The following PCDH7 variants were observed in gnomAD, a reference collection of about 807,000 sequenced individuals.
PCDH7 encodes protocadherin-7.
In PCDH7, 17 loss-of-function variants were observed where a neutral mutation model predicts 58.9. That is an observed-to-expected ratio of 0.29 (90% CI 0.20 to 0.43). The LOEUF (loss-of-function observed/expected upper bound fraction) is 0.43. Ranked by LOEUF, PCDH7 falls within the 20% of genes least tolerant of loss-of-function variation. The pLI, the probability that PCDH7 is intolerant of heterozygous loss-of-function variation, is 1.00. For missense variants in PCDH7, 1,274 were observed against 1,441.0 expected, an observed-to-expected ratio of 0.88 and a Z score of 1.88; for synonymous variants, 664 against 616.4, an observed-to-expected ratio of 1.08 and a Z score of -1.14.
intron 3 of PCDH7, among the ~76,000 whole-genome samples, chr4:31,077,209 G>C (rs767944130): frequency 6.6e-6 from 1 of 151,986 alleles, no homozygotes; most frequent in Non-Finnish European, 1.5e-5. Context: ...TCAGGAGTTT[G>C]AGACCAGCCT....
chr4:30,757,708 A>T (rs1013281553), intron 1 of PCDH7, among the ~76,000 whole-genome samples: 1 of 152,110 alleles, frequency 6.6e-6, no homozygotes, highest in Non-Finnish European at 1.5e-5. Flanking sequence ...TTCGACATAC[A>T]CTAATCACTT....
chr4:31,113,522 A>G lies in PCDH7; in HGVS notation c.*8-28951A>G, dbSNP rs147066521. Among the ~76,000 whole-genome samples, 22 of 152,282 alleles carry G rather than the reference A, an allele frequency of 1.4e-4. No homozygotes were observed. The East Asian group carries it at 1.5e-3, about 11-fold the overall frequency. On this transcript the variant is annotated intron_variant, in intron 3 of 3. Coordinates refer to the PCDH7 transcript ENST00000509759. ...TATATTATCATTTTTAATTTCTGTG[A>G]CATAGAGAAGCTAAAACTGAGGTAT...
Position 30,913,172 on chromosome 4 carries a change from A to G in PCDH7, c.71-6981A>G, listed in dbSNP as rs760686091. ...TATTCTGAAAGCAGAATACATTAAT[A>G]ATATAATATTGATAACATTAATAGT... On this transcript the variant is annotated intron_variant, in intron 1 of 3. Transcript: ENST00000509759. 2.8e-4 allele frequency among the ~76,000 whole-genome samples: 43 copies of G among 151,906 alleles called. 1 individual carries two copies. Among genetic ancestry groups the G allele is most frequent in the Non-Finnish European group, 4.9e-4 (33 of 67,920 alleles).
chr4:31,064,119 T>C (rs1757901534), intron 3 of PCDH7, among the ~76,000 whole-genome samples: 1 of 151,974 alleles, frequency 6.6e-6, no homozygotes, highest in South Asian at 2.1e-4. Flanking sequence ...TCAGCACTGT[T>C]TTCAAAACAG....
At chr4:31,022,015 T>C (rs893530560) in intron 3 of PCDH7, among the ~76,000 whole-genome samples, 3 of 152,242 alleles carry the variant, frequency 2.0e-5, no homozygotes, top group African/African-American at 7.2e-5. Context: ...TTTTGCTTAA[T>C]GGATGTTCTA....
At chr4:30,736,726 CG>C (rs991662617), downstream of PCDH7, among the ~76,000 whole-genome samples, 1 of 151,604 alleles carries the variant, frequency 6.6e-6, no homozygotes, top group African/African-American at 2.4e-5. Flanking sequence ...TTAGTAGAGA[CG>C]GGGTATCACC....
chr4:30,857,969 T>C (rs1733702188), intron 1 of PCDH7, among the ~76,000 whole-genome samples: 1 of 152,126 alleles, frequency 6.6e-6, no homozygotes, highest in African/African-American at 2.4e-5. Context: ...AAATTTAAGA[T>C]AACACAGAAT....
At chr4:30,793,798 A>T (rs1173687883) in intron 1 of PCDH7, 2 of 152,214 alleles carry the variant, frequency 1.3e-5, no homozygotes, top group African/African-American at 4.8e-5. Context: ...CAAAGGATTC[A>T]CTTGGATAAA....
chr4:31,027,952 G>A lies in PCDH7; in HGVS notation c.*7+77737G>A, dbSNP rs546663293. Among the ~76,000 whole-genome samples the A allele has an allele frequency of 2.6e-5, 4 of 152,192 alleles. No individual in the cohort carries two copies. The South Asian group carries it at 6.2e-4, about 24-fold the overall frequency. On this transcript the variant is annotated intron_variant, in intron 3 of 3. Coordinates refer to the PCDH7 transcript ENST00000509759. ...AACTGTAGAAATGCTTCAGTTTCCT[G>A]TGGAAATTAAATTAGCCAATTGAAT...
intron 3 of PCDH7, among the ~76,000 whole-genome samples, chr4:31,023,767 A>G (rs148372863): frequency 1.4e-3 from 216 of 152,312 alleles, no homozygotes; most frequent in African/African-American, 4.8e-3. Context: ...AAGCTAGGCT[A>G]CAGGATTTCT....
chr4:31,021,693 T>A (rs186958992), intron 3 of PCDH7, among the ~76,000 whole-genome samples: 1 of 152,150 alleles, frequency 6.6e-6, no homozygotes, highest in African/African-American at 2.4e-5. Context: ...GCACCAATAC[T>A]TTTTTTAATG....
At chr4:30,951,207 A>G (rs1747329301) in intron 3 of PCDH7, among the ~76,000 whole-genome samples, 1 of 152,190 alleles carries the variant, frequency 6.6e-6, no homozygotes, top group African/African-American at 2.4e-5. Context: ...TAGCAGAATT[A>G]AGACTTGTCT....
intron 3 of PCDH7, among the ~76,000 whole-genome samples, chr4:31,046,778 G>A (rs1756327378): frequency 6.6e-6 from 1 of 151,908 alleles, no homozygotes. Flanking sequence ...TTGTGGAAAT[G>A]TTACTTACAT....
intron 3 of PCDH7, among the ~76,000 whole-genome samples, chr4:30,981,222 CCT>C (rs1325966890): frequency 1.3e-5 from 2 of 152,206 alleles, no homozygotes; most frequent in Non-Finnish European, 1.5e-5. Context: ...TCCCCCCATT[CCT>C]CTGTTTCCTT....
intron 1 of PCDH7, among the ~76,000 whole-genome samples, chr4:30,833,430 C>G (rs1353402218): frequency 1.3e-5 from 2 of 152,168 alleles, no homozygotes; most frequent in Non-Finnish European, 2.9e-5. Context: ...CACTCTGACA[C>G]TGACTCTTCC....
intron 3 of PCDH7, among the ~76,000 whole-genome samples, chr4:30,955,220 A>G (rs908583965): frequency 2.0e-5 from 3 of 152,110 alleles, no homozygotes; most frequent in Admixed American, 2.0e-4. Context: ...TGAGGAGAGG[A>G]CAGCCTCTTT....
intron 1 of PCDH7, among the ~76,000 whole-genome samples, chr4:30,775,119 G>A (rs73121566): frequency 0.14 from 21,269 of 152,012 alleles, 1,710 homozygotes; most frequent in East Asian, 0.29. Flanking sequence ...GACATTCCAG[G>A]GTATTGATTT....
intron 1 of PCDH7, among the ~76,000 whole-genome samples, chr4:30,745,293 G>A (rs2109252434): frequency 6.6e-6 from 1 of 151,590 alleles, no homozygotes; most frequent in African/African-American, 2.4e-5. Context: ...TCTAGCCCTG[G>A]GATATCTGGA....
intron 3 of PCDH7, among the ~76,000 whole-genome samples, chr4:31,139,031 T>C (rs1188500215): frequency 1.3e-5 from 2 of 151,908 alleles, no homozygotes; most frequent in African/African-American, 4.8e-5. Context: ...ATATTAACCT[T>C]ATGTCTAGGA....
Sources: allele counts gnomAD v4.1 joint callset (sites outside exome capture counted in the v4.1 genomes callset), GRCh38; gene constraint gnomAD v4.1.1; transcripts MANE v1.5; gene names NCBI Gene and HGNC (gene_info 2026-07-23, HGNC 2026-07-21).